The following ATAD3A variants were observed in gnomAD, a reference collection of about 807,000 sequenced individuals.
ATAD3A encodes the protein ATPase family AAA domain-containing protein 3A.
A neutral mutation model predicts 73.8 loss-of-function variants in ATAD3A; 46 were observed. That is an observed-to-expected ratio of 0.62 (90% CI 0.49 to 0.80). The LOEUF (loss-of-function observed/expected upper bound fraction) is 0.80, where lower values mean the gene tolerates loss of function less well. ATAD3A is among the 30% of genes least tolerant of loss of function. ATAD3A has a pLI of 0.00. For missense variants in ATAD3A, 705 were observed against 838.0 expected (o/e 0.84, Z 1.96); for synonymous variants, 319 against 350.0 (o/e 0.91, Z 0.99).
chr1:1,527,009 AC>A (rs1470012067), intron 13 of ATAD3A, among the ~76,000 whole-genome samples: 1 of 151,872 alleles, frequency 6.6e-6, no homozygotes, highest in Non-Finnish European at 1.5e-5. Flanking sequence ...CCAAGGGTGC[AC>A]CCTCCAGGCT....
rs1207928800 is a variant in ATAD3A at position 1,534,096 on chromosome 1, A to T, written c.*24A>T. 2 of 1,611,428 alleles carry T rather than the reference A, an allele frequency of 1.2e-6. No homozygotes were observed. Among genetic ancestry groups the T allele is most frequent in the Admixed American group, 1.7e-5 (1 of 60,002 alleles). On this transcript the variant is annotated 3_prime_UTR_variant, in exon 16 of 16. Coordinates refer to ENST00000378756, the MANE Select transcript of ATAD3A (RefSeq NM_001170535.3). ...GAGTCCACAGGGAGATCCACAGCTCACGGAGCCTGGCCGCGGACCCCTCCC... is the reference window on the plus strand; with the variant it reads ...GAGTCCACAGGGAGATCCACAGCTCTCGGAGCCTGGCCGCGGACCCCTCCC...
intron 15 of ATAD3A, among the ~76,000 whole-genome samples, chr1:1,533,601 T>A (rs59168450): frequency 0.035 from 5,265 of 152,048 alleles, 172 homozygotes; most frequent in African/African-American, 0.09. Flanking sequence ...CGGCTGAGAC[T>A]CGCAGAGGGT....
intron 4 of ATAD3A, among the ~76,000 whole-genome samples, chr1:1,518,281 T>G (rs1239039807): frequency 8.3e-6 from 1 of 120,496 alleles, no homozygotes; most frequent in African/African-American, 3.3e-5. Flanking sequence ...CACACACAGG[T>G]ACGTACCCCC....
chr1:1,531,225 C>T (rs896358800), intron 15 of ATAD3A, among the ~76,000 whole-genome samples: 8 of 151,636 alleles, frequency 5.3e-5, no homozygotes, highest in South Asian at 2.1e-4. Flanking sequence ...GAGGCCAAGG[C>T]GGGCAGATCA....
chr1:1,523,695 A>C lies in ATAD3A; in HGVS notation c.963+128A>C. 1 of 1,590,038 alleles carries C rather than the reference A, an allele frequency of 6.3e-7. No homozygotes were observed. On this transcript the variant is annotated intron_variant, in intron 9 of 15. Transcript: ENST00000378756. This position sits in a 1 kb window ranked among gnomAD's most constrained non-coding sequence, Gnocchi z 5.1. ...TGGGTCCTGAGATGCGACTGCTTGG[A>C]CCGTGCTGGGGATAGATAGGCTGCC...
At chr1:1,515,117 T>G (rs1557455181) in intron 1 of ATAD3A, among the ~76,000 whole-genome samples, 1 of 152,290 alleles carries the variant, frequency 6.6e-6, no homozygotes, top group South Asian at 2.1e-4. Flanking sequence ...AGTCTCTCTC[T>G]GTCTAGCTGG....
chr1:1,515,342 G>T (rs1472034067), intron 1 of ATAD3A, among the ~76,000 whole-genome samples: 1 of 152,216 alleles, frequency 6.6e-6, no homozygotes, highest in East Asian at 1.9e-4. Flanking sequence ...CTCTCAAAGT[G>T]CTGGGAGTAC....
intron 2 of ATAD3A, among the ~76,000 whole-genome samples, chr1:1,516,595 T>TA (rs905242432): frequency 2.0e-5 from 3 of 151,992 alleles, no homozygotes; most frequent in African/African-American, 7.3e-5. Context: ...ATATTTTTAG[T>TA]AGAGTCGGGG....
chr1:1,513,168 C>G (rs2478796), intron 1 of ATAD3A, among the ~76,000 whole-genome samples: 3,987 of 151,984 alleles, frequency 0.026, 49 homozygotes, highest in Non-Finnish European at 0.031. Flanking sequence ...TAATTTTAAC[C>G]ATCAGGTTAG....
Position 1,523,959 on chromosome 1 carries a change from G to A in ATAD3A, c.1084G>A (p.Ala362Thr). 8 of 1,613,882 alleles carry A rather than the reference G, an allele frequency of 5.0e-6. No homozygotes were observed. Among genetic ancestry groups the A allele is most frequent in the Non-Finnish European group, 6.8e-6 (8 of 1,180,004 alleles). ...GPPGTGKTLF[A>T]KKLALHSGMD... The stretch of plus-strand genomic sequence containing the variant: ...ACCAGGCACCGGGAAGACGCTGTTT[G>A]CCAAGGTGAGAGCGCCTGGCTGAAC... Residue 362 changes from alanine (A) to threonine (T), a missense_variant, in exon 10 of 16, where the codon GCC (alanine) becomes ACC (threonine). Physicochemically the swap from Ala to Thr is moderately conservative, Grantham distance 58. Coordinates refer to ENST00000378756, the MANE Select transcript of ATAD3A (RefSeq NM_001170535.3). The surrounding 1 kb of genome is among the most constrained non-coding windows in gnomAD (Gnocchi z 5.1).
intron 13 of ATAD3A, 152 bp from the exon 14 acceptor site, chr1:1,527,543 G>A (rs1641890358): frequency 1.7e-6 from 2 of 1,190,712 alleles, no homozygotes; most frequent in Non-Finnish European, 1.1e-6. Context: ...ACAGCTGGGT[G>A]CAGTGGGGCA....
At chr1:1,521,333 GA>G in intron 7 of ATAD3A, among the ~76,000 whole-genome samples, 1 of 103,900 alleles carries the variant, frequency 9.6e-6, no homozygotes, top group Non-Finnish European at 2.0e-5. Flanking sequence ...AAAAAAACCA[GA>G]AGGCAACCCT....
intron 1 of ATAD3A, among the ~76,000 whole-genome samples, chr1:1,513,811 C>G (rs1641272752): frequency 6.6e-6 from 1 of 152,106 alleles, no homozygotes; most frequent in Non-Finnish European, 1.5e-5. Flanking sequence ...AGCGGGTCGC[C>G]GAGATTCGGC....
At chr1:1,515,156 C>T (rs1189720354) in intron 1 of ATAD3A, among the ~76,000 whole-genome samples, 1 of 152,206 alleles carries the variant, frequency 6.6e-6, no homozygotes, top group Non-Finnish European at 1.5e-5. Context: ...GGGTTCACTG[C>T]AGCCTCTGTC....
At chr1:1,528,812 C>CA (rs1641939675) in intron 14 of ATAD3A, among the ~76,000 whole-genome samples, 4 of 152,384 alleles carry the variant, frequency 2.6e-5, no homozygotes, top group African/African-American at 9.6e-5. Flanking sequence ...TTCCGGGCCT[C>CA]AGTTTCCCTA....
chr1:1,534,095 C>T lies in ATAD3A; in HGVS notation c.*23C>T. The T allele has an allele frequency of 6.2e-7, 1 of 1,613,420 alleles. No homozygotes were observed. Among genetic ancestry groups the T allele is most frequent in the Non-Finnish European group, 8.5e-7 (1 of 1,179,822 alleles). ...TGAGTCCACAGGGAGATCCACAGCTCACGGAGCCTGGCCGCGGACCCCTCC... is the reference window on the plus strand; with the variant it reads ...TGAGTCCACAGGGAGATCCACAGCTTACGGAGCCTGGCCGCGGACCCCTCC... On this transcript the variant is annotated 3_prime_UTR_variant, in exon 16 of 16. Transcript: ENST00000378756.
intron 13 of ATAD3A, chr1:1,527,366 C>T (rs1343953204): frequency 9.0e-5 from 95 of 1,058,492 alleles, no homozygotes; most frequent in African/African-American, 2.3e-4. Context: ...CACGTGTGGG[C>T]GACTTCTCGA....
At chr1:1,528,755 A>G (rs1205641937) in intron 14 of ATAD3A, among the ~76,000 whole-genome samples, 1 of 152,208 alleles carries the variant, frequency 6.6e-6, no homozygotes, top group Non-Finnish European at 1.5e-5. Context: ...AGTGATGACA[A>G]AAGAGAGCCT....
At chr1:1,518,853 TC>T (rs1641483643) in intron 4 of ATAD3A, 67 bp from the exon 5 acceptor site, 9 of 1,591,674 alleles carry the variant, frequency 5.7e-6, no homozygotes, top group South Asian at 3.3e-5. Context: ...GGCACAGTCA[TC>T]CCCCGCACAC....
Sources: allele counts gnomAD v4.1 joint callset (sites outside exome capture counted in the v4.1 genomes callset), GRCh38; gene constraint gnomAD v4.1.1; non-coding constraint Gnocchi (gnomAD v3.1); transcripts MANE v1.5; gene names NCBI Gene and HGNC (gene_info 2026-07-23, HGNC 2026-07-21).